RAD51B: variants seen among roughly 807,000 people sequenced by gnomAD.
RAD51B encodes DNA repair protein RAD51 homolog 2.
A neutral mutation model predicts 42.2 loss-of-function variants in RAD51B; 38 were observed. That is an observed-to-expected ratio of 0.90 (90% confidence interval 0.70 to 1.18). The LOEUF is 1.18. Ranked by LOEUF, RAD51B falls within the 50% of genes most tolerant of loss-of-function variation. The pLI is 0.00. For synonymous variants in RAD51B, 154 were observed against 145.2 expected, an observed-to-expected ratio of 1.06 and a Z score of -0.43; for missense variants, 373 against 400.7, an observed-to-expected ratio of 0.93 and a Z score of 0.59.
chr14:68,123,188 TTTC>T (rs1209711489), intron 7 of RAD51B, among the ~76,000 whole-genome samples: 5 of 147,862 alleles, frequency 3.4e-5, no homozygotes, highest in African/African-American at 1.3e-4. Context: ...TTTTTCTTTC[TTTC>T]TTTTTTTTTT....
chr14:67,885,797 A>G, intron 5 of RAD51B, 72 bp from the exon 6 acceptor site: 1 of 1,507,400 alleles, frequency 6.6e-7, no homozygotes, highest in Non-Finnish European at 8.9e-7. Context: ...AAGTAAAATT[A>G]ATTAGAGATT....
downstream of RAD51B, among the ~76,000 whole-genome samples, chr14:68,613,553 A>C (rs374068934): frequency 6.6e-6 from 1 of 150,996 alleles, no homozygotes; most frequent in Non-Finnish European, 1.5e-5. Context: ...TCCCAGGTTC[A>C]TGCCATTCTC....
chr14:68,110,906 A>G (rs577132440), intron 7 of RAD51B, among the ~76,000 whole-genome samples: 14 of 152,058 alleles, frequency 9.2e-5, no homozygotes, highest in African/African-American at 3.4e-4. Flanking sequence ...CTGTTTTTCA[A>G]TTCTATATTT....
intron 7 of RAD51B, among the ~76,000 whole-genome samples, chr14:67,899,219 T>A (rs895052069): frequency 7.9e-5 from 12 of 151,604 alleles, no homozygotes; most frequent in African/African-American, 2.7e-4. Context: ...ATTTTTTTTT[T>A]TTTATATTTT....
chr14:67,910,605 A>G (rs1283929589), intron 7 of RAD51B, among the ~76,000 whole-genome samples: 3 of 151,704 alleles, frequency 2.0e-5, no homozygotes, highest in Non-Finnish European at 4.4e-5. Context: ...TTTTTTTTAA[A>G]ATTTTACTGG....
At chr14:67,868,001 T>C (rs1165957525) in intron 5 of RAD51B, among the ~76,000 whole-genome samples, 1 of 152,184 alleles carries the variant, frequency 6.6e-6, no homozygotes, top group Non-Finnish European at 1.5e-5. Context: ...TCTAGATATC[T>C]TTTTACTAAG....
At chr14:68,417,512 GAAAT>G (rs1215279639) in intron 9 of RAD51B, among the ~76,000 whole-genome samples, 1 of 152,190 alleles carries the variant, frequency 6.6e-6, no homozygotes, top group African/African-American at 2.4e-5. Flanking sequence ...GTGGATTGGG[GAAAT>G]AAATAAAAGG....
At chr14:68,116,346 T>TAAAAA (rs59572940) in intron 7 of RAD51B, among the ~76,000 whole-genome samples, 1 of 135,264 alleles carries the variant, frequency 7.4e-6, no homozygotes. Flanking sequence ...TTTAAAAGGT[T>TAAAAA]AAAAAAAAAA....
chr14:67,847,648 G>C (rs2041666249), intron 4 of RAD51B, among the ~76,000 whole-genome samples: 1 of 152,132 alleles, frequency 6.6e-6, no homozygotes, highest in Non-Finnish European at 1.5e-5. Flanking sequence ...TAGTGTGCTT[G>C]ATGTGATTTC....
chr14:67,953,371 T>A (rs1055520010), intron 7 of RAD51B, among the ~76,000 whole-genome samples: 3 of 152,072 alleles, frequency 2.0e-5, no homozygotes, highest in Non-Finnish European at 4.4e-5. Flanking sequence ...GGGTGAAGTA[T>A]AACTTTTATA....
chr14:68,295,365 C>T (rs2081592862), intron 8 of RAD51B, among the ~76,000 whole-genome samples: 1 of 152,182 alleles, frequency 6.6e-6, no homozygotes, highest in South Asian at 2.1e-4. Context: ...CGGGGAGACC[C>T]AGCAACACAA....
chr14:67,845,210 C>T (rs1177856926), intron 4 of RAD51B, among the ~76,000 whole-genome samples: 1 of 152,202 alleles, frequency 6.6e-6, no homozygotes, highest in African/African-American at 2.4e-5. Context: ...GGTCTATGTA[C>T]TTAAGTGTGT....
chr14:68,365,602 T>C (rs763765540), intron 8 of RAD51B, among the ~76,000 whole-genome samples: 5 of 152,242 alleles, frequency 3.3e-5, no homozygotes, highest in Admixed American at 6.5e-5. Context: ...TTCAGATTAT[T>C]AACTTACCAG....
At chr14:68,665,187 G>A (rs1006950071) in intron 11 of RAD51B, among the ~76,000 whole-genome samples, 3 of 152,326 alleles carry the variant, frequency 2.0e-5, no homozygotes, top group South Asian at 4.1e-4. Context: ...ATGGAGTGAG[G>A]GGCCAAGCTC....
chr14:68,261,740 T>C (rs1595622862), intron 7 of RAD51B, among the ~76,000 whole-genome samples: 1 of 151,150 alleles, frequency 6.6e-6, no homozygotes, highest in Admixed American at 6.6e-5. Context: ...TAGGTATTTT[T>C]AAATCCCTGC....
chr14:68,395,498 G>A (rs1342224002), intron 8 of RAD51B, among the ~76,000 whole-genome samples: 3 of 152,196 alleles, frequency 2.0e-5, no homozygotes, highest in Non-Finnish European at 2.9e-5. Flanking sequence ...CCTCTTTAAA[G>A]AAGGAATCCT....
intron 8 of RAD51B, among the ~76,000 whole-genome samples, chr14:68,350,326 T>G (rs1186194195): frequency 6.6e-6 from 1 of 152,248 alleles, no homozygotes; most frequent in Non-Finnish European, 1.5e-5. Context: ...CAAGGGCCTT[T>G]TAATTTATAT....
intron 10 of RAD51B, among the ~76,000 whole-genome samples, chr14:68,534,837 A>C (rs868583257): frequency 1.4e-4 from 21 of 152,280 alleles, no homozygotes; most frequent in African/African-American, 4.3e-4. Flanking sequence ...AGTGCCTGGA[A>C]CATTGTGGAT....
intron 10 of RAD51B, among the ~76,000 whole-genome samples, chr14:68,545,388 A>C (rs1487369092): frequency 6.6e-6 from 1 of 152,220 alleles, no homozygotes; most frequent in Non-Finnish European, 1.5e-5. Context: ...AAAAAAAGAC[A>C]ACACTCACTT....
Sources: allele counts gnomAD v4.1 joint callset (sites outside exome capture counted in the v4.1 genomes callset), GRCh38; gene constraint gnomAD v4.1.1; transcripts MANE v1.5; gene names NCBI Gene and HGNC (gene_info 2026-07-23, HGNC 2026-07-21).